The following SLC68A1 variants were observed in gnomAD, a reference collection of about 807,000 sequenced individuals.
SLC68A1 encodes major facilitator superfamily domain containing 13A.
the SLC68A1 span, among the ~76,000 whole-genome samples, chr10:102,462,759 C>T: frequency 6.6e-6 from 1 of 152,206 alleles, no homozygotes; most frequent in African/African-American, 2.4e-5. Context: ...TGATGTGGCC[C>T]CTTTCTCCCG....
At chr10:102,474,420 T>C in the SLC68A1 span, among the ~76,000 whole-genome samples, 3 of 152,036 alleles carry the variant, frequency 2.0e-5, no homozygotes, top group African/African-American at 7.2e-5. Flanking sequence ...CAAGAAGCTA[T>C]GTAGTATTAT....
At chr10:102,474,106 G>A in the SLC68A1 span, 1 of 1,358,860 alleles carries the variant, frequency 7.4e-7, no homozygotes, top group African/African-American at 1.5e-5. Flanking sequence ...TGGGTCCAGT[G>A]ACGGAAGGTG....
At chr10:102,473,686 C>T in the SLC68A1 span, 1 of 1,614,158 alleles carries the variant, frequency 6.2e-7, no homozygotes, top group Non-Finnish European at 8.5e-7. Context: ...ACTTAGCCTG[C>T]TCATGTTGTT....
At chr10:102,475,630 GGT>G in the SLC68A1 span, 1 of 1,422,656 alleles carries the variant, frequency 7.0e-7, no homozygotes, top group Admixed American at 2.2e-5. Context: ...ACGTCCATGT[GGT>G]GTCTGAGATG....
the SLC68A1 span, among the ~76,000 whole-genome samples, chr10:102,467,880 A>T: frequency 2.0e-5 from 3 of 151,044 alleles, no homozygotes; most frequent in South Asian, 6.3e-4. Flanking sequence ...CTGGTCTTGA[A>T]CTCCTGACCT....
the SLC68A1 span, among the ~76,000 whole-genome samples, chr10:102,461,720 T>A: frequency 1.4e-4 from 22 of 152,070 alleles, no homozygotes; most frequent in African/African-American, 5.3e-4. Flanking sequence ...GTGGGTCAAA[T>A]AGCTCCCTGG....
the SLC68A1 span, chr10:102,474,154 G>C: frequency 2.6e-6 from 2 of 776,162 alleles, no homozygotes; most frequent in Non-Finnish European, 3.9e-6. Context: ...GAGTCACTGG[G>C]TCACCGATTC....
chr10:102,470,046 T>C, the SLC68A1 span: 1 of 1,614,084 alleles, frequency 6.2e-7, no homozygotes, highest in Non-Finnish European at 8.5e-7. Flanking sequence ...GTTGGCTCAG[T>C]GACCGGCAGT....
At chr10:102,469,029 C>T in the SLC68A1 span, 30 of 1,611,716 alleles carry the variant, frequency 1.9e-5, no homozygotes, top group Non-Finnish European at 2.5e-5. Context: ...GGGCTGCAGC[C>T]ATGGGGCTGG....
chr10:102,474,335 A>G, the SLC68A1 span, among the ~76,000 whole-genome samples: 158 of 152,326 alleles, frequency 1.0e-3, no homozygotes, highest in East Asian at 3.9e-3. Flanking sequence ...GGGGTTGGCA[A>G]TAAACATCCA....
chr10:102,465,640 G>A, the SLC68A1 span, among the ~76,000 whole-genome samples: 1 of 152,138 alleles, frequency 6.6e-6, no homozygotes, highest in African/African-American at 2.4e-5. Flanking sequence ...GTGCCAGGGA[G>A]GTGGGTGGAG....
At chr10:102,471,996 CTT>C in the SLC68A1 span, 1 of 455,922 alleles carries the variant, frequency 2.2e-6, no homozygotes. Flanking sequence ...CTCTAACAAT[CTT>C]TTTAAGACAG....
the SLC68A1 span, chr10:102,470,688 G>T: frequency 6.2e-7 from 1 of 1,611,954 alleles, no homozygotes; most frequent in South Asian, 1.1e-5. Flanking sequence ...CTCTCCTCAA[G>T]GGCTGTGGTG....
At chr10:102,465,218 C>T in the SLC68A1 span, among the ~76,000 whole-genome samples, 1 of 151,690 alleles carries the variant, frequency 6.6e-6, no homozygotes, top group African/African-American at 2.4e-5. Flanking sequence ...TAGATTGCGC[C>T]ACTGCACTCC....
the SLC68A1 span, chr10:102,471,278 G>A: frequency 6.2e-6 from 10 of 1,613,880 alleles, no homozygotes; most frequent in African/African-American, 1.3e-5. Flanking sequence ...CATAGCCTGT[G>A]TGGAGAGGAG....
the SLC68A1 span, chr10:102,472,941 A>C: frequency 6.2e-7 from 1 of 1,613,616 alleles, no homozygotes; most frequent in East Asian, 2.2e-5. Context: ...CACGGGCTCC[A>C]TCCTGTTGGG....
At chr10:102,470,661 G>T in the SLC68A1 span, 1 of 1,603,560 alleles carries the variant, frequency 6.2e-7, no homozygotes, top group East Asian at 2.2e-5. Context: ...CCTTTCCCCG[G>T]CAGGTCAGGC....
the SLC68A1 span, chr10:102,469,037 TG>T: frequency 6.2e-7 from 1 of 1,612,752 alleles, no homozygotes; most frequent in Non-Finnish European, 8.5e-7. Flanking sequence ...GCCATGGGGC[TG>T]GGTCAGCCCC....
At chr10:102,473,825 C>A in the SLC68A1 span, 67 of 1,610,136 alleles carry the variant, frequency 4.2e-5, no homozygotes, top group African/African-American at 7.6e-4. Flanking sequence ...GCAGCAACCG[C>A]GTCTTCACTG....
Sources: gnomAD v4.1 joint callset for allele counts (sites outside exome capture counted in the v4.1 genomes callset) on GRCh38, gnomAD v4.1.1 for gene constraint, MANE v1.5 for transcripts, NCBI Gene and HGNC (gene_info 2026-07-23, HGNC 2026-07-21) for gene names.